The following SLC31A1 variants were observed in gnomAD, a reference collection of about 807,000 sequenced individuals.
SLC31A1 encodes the protein solute carrier family 31 member 1, also known as high affinity copper uptake protein 1.
SLC31A1 carries 5 observed loss-of-function variants against 17.2 expected under a neutral mutation model. The observed-to-expected ratio is 0.29, with a 90% CI of 0.15 to 0.61. SLC31A1 has a LOEUF of 0.61. Ranked by LOEUF, SLC31A1 falls within the 20% of genes least tolerant of loss-of-function variation. The pLI is 0.86. For synonymous variants in SLC31A1, 76 were observed against 78.8 expected (o/e 0.96, Z 0.19); for missense variants, 161 against 241.4 (o/e 0.67, Z 2.21).
At chr9:113,235,878 T>A (rs778364206) in intron 1 of SLC31A1, among the ~76,000 whole-genome samples, 1 of 152,236 alleles carries the variant, frequency 6.6e-6, no homozygotes, top group Non-Finnish European at 1.5e-5. Context: ...AGATTGGTTC[T>A]GGAAAGTAAT....
At chr9:113,228,191 A>C (rs1831363421) in intron 1 of SLC31A1, among the ~76,000 whole-genome samples, 1 of 152,232 alleles carries the variant, frequency 6.6e-6, no homozygotes, top group Non-Finnish European at 1.5e-5. Context: ...CTCGTGCTGC[A>C]TGCTTTCTCC....
Position 113,256,947 on chromosome 9 carries a change from G to A in SLC31A1, c.130-166G>A, listed in dbSNP as rs183148120. On this transcript the variant is annotated intron_variant, in intron 2 of 4. Coordinates refer to ENST00000374212, the MANE Select transcript of SLC31A1 (RefSeq NM_001859.4). ...GGGGCCTAGTAGAATACTCATGCTCGGTGCCTGTGGTGGTAACGCTAACAT... is the reference window on the plus strand; with the variant it reads ...GGGGCCTAGTAGAATACTCATGCTCAGTGCCTGTGGTGGTAACGCTAACAT... Among the ~76,000 whole-genome samples the A allele has an allele frequency of 9.9e-5, 15 of 152,036 alleles. No individual in the cohort carries two copies. The East Asian group carries it at 2.7e-3, about 27-fold the overall frequency.
intron 1 of SLC31A1, among the ~76,000 whole-genome samples, chr9:113,247,925 T>TC (rs1451439127): frequency 6.6e-6 from 1 of 152,164 alleles, no homozygotes; most frequent in Non-Finnish European, 1.5e-5. Flanking sequence ...AGAAAGAAAC[T>TC]CCTTTTATTA....
intron 1 of SLC31A1, among the ~76,000 whole-genome samples, chr9:113,253,977 T>TTTTTTG (rs1831691665): frequency 6.7e-6 from 1 of 148,456 alleles, no homozygotes; most frequent in Non-Finnish European, 1.5e-5. Flanking sequence ...TTTTTTTTTT[T>TTTTTTG]GAGATAGTCT....
At chr9:113,243,057 G>C (rs2118999671) in intron 1 of SLC31A1, among the ~76,000 whole-genome samples, 1 of 150,432 alleles carries the variant, frequency 6.6e-6, no homozygotes. Context: ...CAAGGGCTTT[G>C]TGTTTTTATA....
rs1831783362 is a variant in SLC31A1 at position 113,260,693 on chromosome 9, T to C, written c.*220T>C. On this transcript the variant is annotated 3_prime_UTR_variant, in exon 5 of 5. Transcript: ENST00000374212. ...AATTGTTTTTTCTAATAAGCTGAGA[T>C]TCCCATTTCTCTTAAGGAGAAGCCA... The C allele has an allele frequency of 5.2e-5, 30 of 575,926 alleles. No individual in the cohort carries two copies. In the South Asian group the frequency reaches 5.5e-4, roughly 11 times the overall value. 35.7% of individuals were successfully genotyped at this position (575,926 alleles called of 1,614,324 possible). A position where few individuals can be genotyped will look rare whatever the true frequency, so the allele number is the denominator to read the frequency against.
At chr9:113,259,217 C>T (rs1831760502) in intron 4 of SLC31A1, among the ~76,000 whole-genome samples, 3 of 152,186 alleles carry the variant, frequency 2.0e-5, no homozygotes, top group Non-Finnish European at 4.4e-5. Flanking sequence ...TATAAAGTTA[C>T]ACCTAGTCAG....
chr9:113,260,568 T>C lies in SLC31A1; in HGVS notation c.*95T>C, dbSNP rs1443972232. The C allele has an allele frequency of 7.9e-6, 7 of 884,780 alleles. No individual in the cohort carries two copies. The highest frequency in any genetic ancestry group is 1.1e-5 in the Non-Finnish European group (6 of 556,238). 54.8% of individuals were successfully genotyped at this position (884,780 alleles called of 1,614,324 possible). ...TGCTCCAATCATCCCTTCTTGCTCC[T>C]CTTTGTGCACGTACACACACACACA... On this transcript the variant is annotated 3_prime_UTR_variant, in exon 5 of 5. Transcript: ENST00000374212.
At chr9:113,234,883 A>C (rs1279739501) in intron 1 of SLC31A1, among the ~76,000 whole-genome samples, 2 of 152,136 alleles carry the variant, frequency 1.3e-5, no homozygotes, top group Non-Finnish European at 2.9e-5. Context: ...TGAGATTTTT[A>C]TCCCAGTTTT....
chr9:113,249,385 A>G (rs148202161), intron 1 of SLC31A1, among the ~76,000 whole-genome samples: 8,827 of 146,126 alleles, frequency 0.06, 299 homozygotes, highest in African/African-American at 0.083. Context: ...ATTTTTTTTG[A>G]GATGGAGTTT....
rs1281840113 is a variant in SLC31A1, at chr9:113,261,512, G to C, written c.*1039G>C. 6.6e-6 allele frequency: 1 copy of C among 152,618 alleles called. No individual in the cohort carries two copies. The highest frequency in any genetic ancestry group is 1.9e-4 in the East Asian group (1 of 5,196). The allele number at this position is 152,618 out of a possible 1,614,324, so 9.5% of individuals were successfully genotyped here. Reference sequence around the variant, plus strand: ...AAATGACAATCAATTTGAGAAAATAGAAATAGATATTTTTAAATAAAACCA... The same window carrying C: ...AAATGACAATCAATTTGAGAAAATACAAATAGATATTTTTAAATAAAACCA... On this transcript the variant is annotated 3_prime_UTR_variant, in exon 5 of 5. Transcript: ENST00000374212.
At chr9:113,222,672 G>A (rs1363815041) in intron 1 of SLC31A1, among the ~76,000 whole-genome samples, 1 of 152,176 alleles carries the variant, frequency 6.6e-6, no homozygotes, top group African/African-American at 2.4e-5. Context: ...TGCACCTCCT[G>A]GCAAAGATGT....
At chr9:113,238,159 T>TA (rs1284104019) in intron 1 of SLC31A1, among the ~76,000 whole-genome samples, 1 of 152,090 alleles carries the variant, frequency 6.6e-6, no homozygotes, top group African/African-American at 2.4e-5. Flanking sequence ...AAATTCAGAG[T>TA]ATGAAAATGC....
chr9:113,254,171 C>T (rs1167372073), intron 1 of SLC31A1, among the ~76,000 whole-genome samples: 1 of 152,030 alleles, frequency 6.6e-6, no homozygotes, highest in South Asian at 2.1e-4. Context: ...CCAGGCTGGT[C>T]TCGAACTCCT....
chr9:113,244,597 A>C (rs891007100), intron 1 of SLC31A1, among the ~76,000 whole-genome samples: 1 of 152,256 alleles, frequency 6.6e-6, no homozygotes, highest in Non-Finnish European at 1.5e-5. Flanking sequence ...TTCTATTAAT[A>C]TCCTTCTCAG....
intron 1 of SLC31A1, among the ~76,000 whole-genome samples, chr9:113,234,752 G>A (rs1831437600): frequency 6.6e-6 from 1 of 151,864 alleles, no homozygotes; most frequent in Admixed American, 6.6e-5. Context: ...GGTGGTCCTT[G>A]GACCACACTT....
At chr9:113,231,027 T>C (rs1449068391) in intron 1 of SLC31A1, among the ~76,000 whole-genome samples, 1 of 152,156 alleles carries the variant, frequency 6.6e-6, no homozygotes, top group Non-Finnish European at 1.5e-5. Context: ...TTGAGTTGAA[T>C]TGAGGTAGAT....
Position 113,224,429 on chromosome 9 carries a change from CTTT to C in SLC31A1, c.-36+2765_-36+2767del, listed in dbSNP as rs200703569. ...AGTTTATGTGTTATCTGTATGCTCA[CTTT>C]TTTTTTTTTTTTTGAGACAGAGTTT... On this transcript the variant is annotated intron_variant, in intron 1 of 4. Transcript: ENST00000374212. Among the ~76,000 whole-genome samples the C allele has an allele frequency of 8.5e-5, 12 of 141,136 alleles. 1 individual carries two copies. The South Asian group carries it at 1.1e-3, about 13-fold the overall frequency. 92.6% of individuals were successfully genotyped at this position (141,136 alleles called of 152,430 possible). A position where few individuals can be genotyped will look rare whatever the true frequency, so the allele number is the denominator to read the frequency against.
chr9:113,243,734 G>GT, intron 1 of SLC31A1, among the ~76,000 whole-genome samples: 1 of 152,214 alleles, frequency 6.6e-6, no homozygotes, highest in East Asian at 1.9e-4. Context: ...TAAATCACAG[G>GT]TTTTTTGTTT....
Sources: gnomAD v4.1 joint callset for allele counts (sites outside exome capture counted in the v4.1 genomes callset) on GRCh38, gnomAD v4.1.1 for gene constraint, MANE v1.5 for transcripts, NCBI Gene and HGNC (gene_info 2026-07-23, HGNC 2026-07-21) for gene names.